Variants in BLTP1 observed in about 807,000 individuals in gnomAD.
The protein encoded by BLTP1 is bridge-like lipid transfer protein family member 1.
chr4:122,325,354 T>C, the BLTP1 span: 16 of 1,560,278 alleles, frequency 1.0e-5, no homozygotes, highest in Non-Finnish European at 1.4e-5. Context: ...AGATATACAT[T>C]GCTAAGTAGT....
chr4:122,158,627 C>G, the BLTP1 span, among the ~76,000 whole-genome samples: 3 of 151,930 alleles, frequency 2.0e-5, no homozygotes, highest in Non-Finnish European at 4.4e-5. Context: ...CAAAATTAGC[C>G]GGGCGTGGTG....
chr4:122,359,279 A>G, the BLTP1 span: 1 of 956,272 alleles, frequency 1.0e-6, no homozygotes, highest in Non-Finnish European at 1.2e-6. Context: ...TACTACAGCC[A>G]TTCTTTAGGA....
the BLTP1 span, among the ~76,000 whole-genome samples, chr4:122,159,689 A>G: frequency 2.4e-4 from 36 of 152,284 alleles, no homozygotes; most frequent in African/African-American, 8.7e-4. Context: ...TGCCTTCAGC[A>G]TCTCTTCAAG....
chr4:122,362,663 C>CTGTT, the BLTP1 span: 2 of 162,476 alleles, frequency 1.2e-5, no homozygotes, highest in African/African-American at 2.4e-5. Flanking sequence ...ATATAAATAC[C>CTGTT]TGTTTGTATA....
chr4:122,318,209 C>A, the BLTP1 span: 1 of 1,611,340 alleles, frequency 6.2e-7, no homozygotes, highest in Non-Finnish European at 8.5e-7. Flanking sequence ...CAGTTAGAAT[C>A]TGTGGCTGTG....
At chr4:122,234,816 T>C in the BLTP1 span, 1 of 1,613,848 alleles carries the variant, frequency 6.2e-7, no homozygotes, top group Non-Finnish European at 8.5e-7. Context: ...GAATAAGAGG[T>C]GTAGAAACAA....
At chr4:122,221,806 G>C in the BLTP1 span, 1 of 984,560 alleles carries the variant, frequency 1.0e-6, no homozygotes, top group African/African-American at 1.7e-5. Flanking sequence ...TTAATAAAGG[G>C]AAAAGGGAAA....
At chr4:122,263,747 T>A in the BLTP1 span, 3 of 551,148 alleles carry the variant, frequency 5.4e-6, no homozygotes, top group Non-Finnish European at 9.3e-6. Flanking sequence ...TTGATAATAT[T>A]GTAATTGAGA....
At chr4:122,170,177 A>G in the BLTP1 span, 1 of 308,180 alleles carries the variant, frequency 3.2e-6, no homozygotes, top group African/African-American at 2.3e-5. Context: ...GTGGTGACGC[A>G]TGCCTGTAAT....
chr4:122,203,838 A>T, the BLTP1 span: 1 of 541,488 alleles, frequency 1.8e-6, no homozygotes. Flanking sequence ...GCAACATTTC[A>T]CATGAGTTGT....
chr4:122,217,208 T>C, the BLTP1 span, among the ~76,000 whole-genome samples: 1 of 152,334 alleles, frequency 6.6e-6, no homozygotes, highest in East Asian at 1.9e-4. Context: ...TCCATTGGTC[T>C]GCGTGCCTGT....
the BLTP1 span, among the ~76,000 whole-genome samples, chr4:122,273,754 C>T: frequency 2.0e-5 from 3 of 151,836 alleles, no homozygotes; most frequent in East Asian, 1.9e-4. Context: ...ACAAAGAAGC[C>T]GCCAAGTGTC....
chr4:122,301,304 G>A, the BLTP1 span: 1 of 1,587,062 alleles, frequency 6.3e-7, no homozygotes, highest in Admixed American at 1.8e-5. Context: ...CTTTAGGTGG[G>A]GAGCAGCCTA....
the BLTP1 span, chr4:122,155,024 T>C: frequency 5.5e-6 from 4 of 726,176 alleles, no homozygotes; most frequent in Non-Finnish European, 6.7e-6. Context: ...AGCAGTGTAA[T>C]TCATTTCATA....
chr4:122,174,624 T>C, the BLTP1 span: 1 of 1,605,532 alleles, frequency 6.2e-7, no homozygotes, highest in Non-Finnish European at 8.5e-7. Context: ...TCGTGAAATC[T>C]ATTACATTAC....
At chr4:122,216,062 T>G in the BLTP1 span, among the ~76,000 whole-genome samples, 1 of 151,724 alleles carries the variant, frequency 6.6e-6, no homozygotes, top group Non-Finnish European at 1.5e-5. Context: ...TATATGTGTG[T>G]GTGTGTGTAT....
At chr4:122,177,382 C>T in the BLTP1 span, among the ~76,000 whole-genome samples, 2 of 152,136 alleles carry the variant, frequency 1.3e-5, no homozygotes, top group African/African-American at 4.8e-5. Context: ...ACTAGTCTCC[C>T]TGCTTCTGTG....
the BLTP1 span, chr4:122,301,115 T>A: frequency 9.3e-6 from 7 of 750,386 alleles, no homozygotes; most frequent in African/African-American, 1.9e-5. Flanking sequence ...TTAATAAATG[T>A]CTACATATGC....
the BLTP1 span, chr4:122,348,917 A>G: frequency 5.5e-6 from 3 of 542,978 alleles, no homozygotes; most frequent in Non-Finnish European, 6.3e-6. Context: ...TATGTTCTAT[A>G]AAAAGGGAAT....
Sources: allele counts gnomAD v4.1 joint callset (sites outside exome capture counted in the v4.1 genomes callset), GRCh38; gene constraint gnomAD v4.1.1; transcripts MANE v1.5; gene names NCBI Gene and HGNC (gene_info 2026-07-23, HGNC 2026-07-21).